The following SORCS2 variants were observed in gnomAD, a reference collection of about 807,000 sequenced individuals.
SORCS2 encodes sortilin related VPS10 domain containing receptor 2.
SORCS2 carries 100 observed loss-of-function variants against 141.6 expected under a neutral mutation model. The observed-to-expected ratio is 0.71, with a 90% CI of 0.60 to 0.83. SORCS2 has a LOEUF of 0.83. Ranked by LOEUF, SORCS2 falls within the 40% of genes least tolerant of loss-of-function variation. The probability of loss-of-function intolerance (pLI) is 0.00; values close to 1 mark genes in which losing one functional copy is unlikely to be tolerated. For missense variants in SORCS2, 1,646 were observed against 1,560.2 expected (o/e 1.05, Z -0.93); for synonymous variants, 789 against 676.9 (o/e 1.17, Z -2.57).
In SORCS2 at chr4:7,193,210, A is replaced by G; in HGVS notation, c.480+84A>G. On this transcript the variant is annotated intron_variant, in intron 1 of 26. Transcript: ENST00000507866. This position sits in a 1 kb window ranked among gnomAD's most constrained non-coding sequence, Gnocchi z 4.8. ...GCGGGACCGCCACGGCCCCCACCCC[A>G]GATCCCCACTATGGTCATCAGGGGC... 1 of 1,359,260 alleles carries G rather than the reference A, an allele frequency of 7.4e-7. No individual in the cohort carries two copies. Among genetic ancestry groups the G allele is most frequent in the African/African-American group, 1.5e-5 (1 of 66,032 alleles). The allele number at this position is 1,359,260 out of a possible 1,614,324, so 84.2% of individuals were successfully genotyped here.
chr4:7,586,840 T>G (rs1716568015), intron 3 of SORCS2, among the ~76,000 whole-genome samples: 1 of 152,238 alleles, frequency 6.6e-6, no homozygotes, highest in African/African-American at 2.4e-5. Flanking sequence ...TCTTATATAC[T>G]CCTCGGAGAT....
chr4:7,376,471 G>A (rs3864212), intron 1 of SORCS2, among the ~76,000 whole-genome samples: 37,654 of 152,016 alleles, frequency 0.25, 5,384 homozygotes, highest in Admixed American at 0.33. Context: ...CAGCTACTCC[G>A]GAGGCTGAGG....
At chr4:7,436,411 G>A (rs1034006635) in intron 2 of SORCS2, among the ~76,000 whole-genome samples, 5 of 152,240 alleles carry the variant, frequency 3.3e-5, no homozygotes, top group African/African-American at 1.2e-4. Context: ...CAAACAGAAG[G>A]GCCTGCCCCT....
intron 2 of SORCS2, among the ~76,000 whole-genome samples, chr4:7,520,014 C>T (rs1044689518): frequency 4.6e-5 from 7 of 152,224 alleles, no homozygotes; most frequent in African/African-American, 1.7e-4. Flanking sequence ...CCCTTCAGTG[C>T]TGGCCCCTGA....
At chr4:7,437,431 A>G (rs560186395) in intron 2 of SORCS2, among the ~76,000 whole-genome samples, 2 of 152,204 alleles carry the variant, frequency 1.3e-5, no homozygotes, top group African/African-American at 4.8e-5. Flanking sequence ...AAGCTCATCA[A>G]ACCTCATTGT....
intron 1 of SORCS2, among the ~76,000 whole-genome samples, chr4:7,257,383 TG>T (rs1472475870): frequency 2.9e-5 from 1 of 34,692 alleles, no homozygotes; most frequent in Non-Finnish European, 5.7e-5. Flanking sequence ...GTGGTGGGGG[TG>T]GGGAACTCCC....
At chr4:7,401,619 T>G (rs1483931218) in intron 2 of SORCS2, among the ~76,000 whole-genome samples, 2 of 152,142 alleles carry the variant, frequency 1.3e-5, no homozygotes, top group African/African-American at 4.8e-5. Flanking sequence ...CACCCTTGCT[T>G]CACACTGAGC....
intron 1 of SORCS2, among the ~76,000 whole-genome samples, chr4:7,378,800 G>A (rs1344571666): frequency 6.6e-6 from 1 of 152,178 alleles, no homozygotes; most frequent in African/African-American, 2.4e-5. Flanking sequence ...ACCGTGGGCA[G>A]CTGAGAGTTA....
chr4:7,398,395 G>A (rs1164885875), intron 2 of SORCS2, among the ~76,000 whole-genome samples: 1 of 152,246 alleles, frequency 6.6e-6, no homozygotes, highest in Non-Finnish European at 1.5e-5. Context: ...AGAACTGAAT[G>A]AGGAAATGTG....
At chr4:7,683,072 T>C (rs974395971) in intron 10 of SORCS2, among the ~76,000 whole-genome samples, 183 bp downstream of exon 10, 5 of 152,194 alleles carry the variant, frequency 3.3e-5, no homozygotes, top group African/African-American at 4.8e-5. Flanking sequence ...GAAAAGTTAA[T>C]TGGAGGTCAG....
chr4:7,712,964 C>G, intron 15 of SORCS2, 111 bp downstream of exon 15: 1 of 1,453,916 alleles, frequency 6.9e-7, no homozygotes. Context: ...CTCCCCGCCT[C>G]CAAGAAGTCT....
At chr4:7,560,837 T>G (rs549354021) in intron 3 of SORCS2, among the ~76,000 whole-genome samples, 1 of 152,276 alleles carries the variant, frequency 6.6e-6, no homozygotes, top group Non-Finnish European at 1.5e-5. Context: ...TGATAATCTC[T>G]GAGAGTTAGA....
intron 2 of SORCS2, among the ~76,000 whole-genome samples, chr4:7,411,411 C>G (rs1213111152): frequency 6.6e-6 from 1 of 152,074 alleles, no homozygotes; most frequent in Admixed American, 6.5e-5. Flanking sequence ...TCCCCCTTTC[C>G]CATGTATCCA....
chr4:7,365,590 C>T (rs751926074), intron 1 of SORCS2, among the ~76,000 whole-genome samples: 2 of 152,180 alleles, frequency 1.3e-5, no homozygotes, highest in Non-Finnish European at 2.9e-5. Flanking sequence ...AAAACAGAGA[C>T]ACGTGGGGTC....
intron 2 of SORCS2, among the ~76,000 whole-genome samples, chr4:7,514,026 G>C (rs76558830): frequency 6.6e-6 from 1 of 152,134 alleles, no homozygotes; most frequent in African/African-American, 2.4e-5. Context: ...TTTGGGCATC[G>C]TGCGTGCATT....
At chr4:7,496,465 G>GTCCCCCGTCGCCCA (rs1731632950) in intron 2 of SORCS2, among the ~76,000 whole-genome samples, 1 of 83,666 alleles carries the variant, frequency 1.2e-5, no homozygotes, top group African/African-American at 6.2e-5. Context: ...CCCGTCCCCC[G>GTCCCCCGTCGCCCA]TCCCCCGTCC....
At chr4:7,470,443 A>T (rs1255322063) in intron 2 of SORCS2, among the ~76,000 whole-genome samples, 1 of 152,182 alleles carries the variant, frequency 6.6e-6, no homozygotes, top group African/African-American at 2.4e-5. Context: ...TCACTCATCC[A>T]TTCATCCAGG....
intron 2 of SORCS2, among the ~76,000 whole-genome samples, chr4:7,423,421 GT>G (rs1726221707): frequency 6.6e-6 from 1 of 152,114 alleles, no homozygotes; most frequent in South Asian, 2.1e-4. Flanking sequence ...GGGGCCGGAG[GT>G]TTTTGCTTTT....
At chr4:7,526,421 T>C (rs1018478631) in intron 2 of SORCS2, among the ~76,000 whole-genome samples, 17 of 152,242 alleles carry the variant, frequency 1.1e-4, no homozygotes, top group Non-Finnish European at 2.1e-4. Flanking sequence ...ATGAAAAGGC[T>C]GTGAACTCTA....
Sources: allele counts gnomAD v4.1 joint callset (sites outside exome capture counted in the v4.1 genomes callset), GRCh38; gene constraint gnomAD v4.1.1; non-coding constraint Gnocchi (gnomAD v3.1); transcripts MANE v1.5; gene names NCBI Gene and HGNC (gene_info 2026-07-23, HGNC 2026-07-21).